Variants in NIPAL2 observed in about 807,000 individuals in gnomAD.
NIPAL2 encodes the protein NIPA like domain containing 2, also known as NIPA-like protein 2.
NIPAL2 carries 43 observed loss-of-function variants against 48.9 expected under a neutral mutation model. The ratio of observed to expected loss-of-function variants is 0.88; its 90% CI spans 0.69 to 1.13. NIPAL2 has a LOEUF of 1.13. Among genes scored for constraint, NIPAL2 ranks in the 50% most tolerant of loss-of-function variants. The pLI, the probability that NIPAL2 is intolerant of heterozygous loss-of-function variation, is 0.00. For missense variants in NIPAL2, 446 were observed against 461.4 expected (o/e 0.97, Z 0.31); for synonymous variants, 167 against 174.6 (o/e 0.96, Z 0.34).
intron 6 of NIPAL2, among the ~76,000 whole-genome samples, chr8:98,211,733 A>AGAGTGTGTGT (rs1554562908): frequency 1.4e-4 from 15 of 109,142 alleles, no homozygotes; most frequent in African/African-American, 1.9e-4. Context: ...AGAGAGAGAA[A>AGAGTGTGTGT]GTGTGTGTGT....
chr8:98,193,144 C>T, intron 10 of NIPAL2, 54 bp from the exon 11 acceptor site: 1 of 1,421,224 alleles, frequency 7.0e-7, no homozygotes, highest in Non-Finnish European at 9.9e-7. Flanking sequence ...AAAAATAAGT[C>T]TTAATAATTT....
intron 1 of NIPAL2, among the ~76,000 whole-genome samples, chr8:98,269,577 C>T (rs1013457310): frequency 3.9e-5 from 6 of 152,140 alleles, no homozygotes; most frequent in Non-Finnish European, 5.9e-5. Context: ...TAAACAGATG[C>T]GCTGTCATCC....
At chr8:98,209,688 G>T (rs1024627357) in intron 6 of NIPAL2, among the ~76,000 whole-genome samples, 28 of 148,892 alleles carry the variant, frequency 1.9e-4, no homozygotes, top group Admixed American at 9.3e-4. Flanking sequence ...TTTTTTTTTT[G>T]GATTTTTGTA....
intron 1 of NIPAL2, among the ~76,000 whole-genome samples, chr8:98,293,088 T>C (rs1816576050): frequency 6.6e-6 from 1 of 152,230 alleles, no homozygotes; most frequent in Non-Finnish European, 1.5e-5. Flanking sequence ...ACTTCAGGCA[T>C]AAAAGGAATC....
intron 1 of NIPAL2, among the ~76,000 whole-genome samples, chr8:98,258,119 G>A (rs1443176844): frequency 6.6e-6 from 1 of 152,134 alleles, no homozygotes; most frequent in African/African-American, 2.4e-5. Flanking sequence ...AATGCTAAGT[G>A]AAATCAGCCA....
At position 98,192,676 on chromosome 8, in the gene NIPAL2, T is replaced by G. The variant is rs1743049375; in HGVS notation, c.*302A>C. 1 of 326,874 alleles carries G rather than the reference T, an allele frequency of 3.1e-6. No individual in the cohort carries two copies. Among genetic ancestry groups the G allele is most frequent in the Non-Finnish European group, 5.7e-6 (1 of 176,334 alleles). 20.2% of individuals were successfully genotyped at this position (326,874 alleles called of 1,614,324 possible). On this transcript the variant is annotated 3_prime_UTR_variant, in exon 11 of 11. Transcript: ENST00000430223. ...GCGACCTGTGGCCAAACCGCAAATG[T>G]ATGTTTCTGTGCAACATTCCTGCTA...
At chr8:98,254,890 C>A (rs1181687868) in intron 1 of NIPAL2, among the ~76,000 whole-genome samples, 1 of 152,234 alleles carries the variant, frequency 6.6e-6, no homozygotes. Flanking sequence ...CCAAACCTCG[C>A]CCTCCTGGCC....
chr8:98,246,345 T>C (rs976484384), intron 3 of NIPAL2, among the ~76,000 whole-genome samples: 1 of 152,178 alleles, frequency 6.6e-6, no homozygotes, highest in African/African-American at 2.4e-5. Context: ...AACCAGCATA[T>C]TGGGGAAAAT....
At chr8:98,289,496 C>T (rs1343687443) in intron 1 of NIPAL2, among the ~76,000 whole-genome samples, 1 of 151,170 alleles carries the variant, frequency 6.6e-6, no homozygotes, top group South Asian at 2.1e-4. Context: ...CTTTCTTCCT[C>T]CCTCTTCCTT....
intron 3 of NIPAL2, among the ~76,000 whole-genome samples, chr8:98,245,661 T>C (rs915855175): frequency 3.3e-5 from 5 of 152,212 alleles, no homozygotes; most frequent in African/African-American, 1.2e-4. Flanking sequence ...ACTAGATTAA[T>C]TCTGTATTAC....
At chr8:98,293,968 C>A in intron 1 of NIPAL2, 35 bp downstream of exon 1, 1 of 1,406,784 alleles carries the variant, frequency 7.1e-7, no homozygotes, top group South Asian at 1.5e-5. Context: ...GGCCGCGTCC[C>A]CACCGGGCTG....
At chr8:98,223,137 A>T (rs997010837) in intron 4 of NIPAL2, among the ~76,000 whole-genome samples, 9 of 152,244 alleles carry the variant, frequency 5.9e-5, no homozygotes, top group African/African-American at 2.2e-4. Flanking sequence ...AATCACTGCC[A>T]TTTATTGGAG....
At chr8:98,208,450 G>A (rs759157345) in intron 6 of NIPAL2, among the ~76,000 whole-genome samples, 2 of 152,118 alleles carry the variant, frequency 1.3e-5, no homozygotes, top group Non-Finnish European at 2.9e-5. Context: ...AGAGGCGTTA[G>A]AGTACTTTTT....
intron 1 of NIPAL2, among the ~76,000 whole-genome samples, chr8:98,274,278 T>C (rs143301923): frequency 5.3e-4 from 81 of 151,648 alleles, no homozygotes; most frequent in African/African-American, 2.0e-3. Flanking sequence ...TCTCTCTATC[T>C]ATCTATCTAT....
intron 3 of NIPAL2, among the ~76,000 whole-genome samples, chr8:98,248,444 G>A (rs899259510): frequency 6.6e-6 from 1 of 152,290 alleles, no homozygotes; most frequent in Non-Finnish European, 1.5e-5. Flanking sequence ...TACCAACACT[G>A]TCCTTAGATG....
intron 1 of NIPAL2, among the ~76,000 whole-genome samples, chr8:98,258,850 C>T (rs965298904): frequency 3.3e-5 from 5 of 151,686 alleles, no homozygotes; most frequent in African/African-American, 4.8e-5. Context: ...TGCTGTGATT[C>T]TGGGGGCTGC....
At chr8:98,216,951 C>T in intron 5 of NIPAL2, 1 of 688,108 alleles carries the variant, frequency 1.5e-6, no homozygotes, top group Non-Finnish European at 1.8e-6. Flanking sequence ...TCAAATCTTT[C>T]TCATTCTTAC....
At chr8:98,223,330 G>T (rs1196829886) in intron 4 of NIPAL2, among the ~76,000 whole-genome samples, 4 of 152,160 alleles carry the variant, frequency 2.6e-5, no homozygotes, top group Non-Finnish European at 4.4e-5. Context: ...AATGACAGAA[G>T]GGAATGTGTG....
intron 1 of NIPAL2, among the ~76,000 whole-genome samples, chr8:98,277,997 T>G (rs1394956432): frequency 6.6e-6 from 1 of 152,246 alleles, no homozygotes; most frequent in East Asian, 1.9e-4. Context: ...AATAAAATTC[T>G]TTGAATTGCA....
Sources: gnomAD v4.1 joint callset for allele counts (sites outside exome capture counted in the v4.1 genomes callset) on GRCh38, gnomAD v4.1.1 for gene constraint, MANE v1.5 for transcripts, NCBI Gene and HGNC (gene_info 2026-07-23, HGNC 2026-07-21) for gene names.